DDX25: variants seen among roughly 807,000 people sequenced by gnomAD.
The protein encoded by DDX25 is DEAD-box helicase 25.
DDX25 carries 70 observed loss-of-function variants against 64.6 expected under a neutral mutation model. The observed-to-expected ratio is 1.08, with a 90% CI of 0.89 to 1.32. DDX25 has a LOEUF of 1.32. Ranked by LOEUF, DDX25 falls within the 40% of genes most tolerant of loss-of-function variation. The pLI is 0.00. For synonymous variants in DDX25, 211 were observed against 213.3 expected, an observed-to-expected ratio of 0.99 and a Z score of 0.09; for missense variants, 587 against 604.4, an observed-to-expected ratio of 0.97 and a Z score of 0.30.
At chr11:125,916,939 T>C (rs1211297821) in intron 8 of DDX25, 75 bp from the exon 9 acceptor site, 23 of 1,401,036 alleles carry the variant, frequency 1.6e-5, no homozygotes, top group Non-Finnish European at 2.3e-5. Flanking sequence ...CAGCGGCTGA[T>C]GGCAGTGGCA....
Position 125,924,121 on chromosome 11 carries a change from T to A in DDX25, c.*1240T>A, listed in dbSNP as rs369917879. 8 of 152,080 alleles carry A rather than the reference T, an allele frequency of 5.3e-5. No individual in the cohort carries two copies. Among genetic ancestry groups the A allele is most frequent in the African/African-American group, 1.7e-4 (7 of 41,376 alleles). 9.4% of individuals were successfully genotyped at this position (152,080 alleles called of 1,614,324 possible). On this transcript the variant is annotated 3_prime_UTR_variant, in exon 12 of 12. Coordinates refer to ENST00000263576, the MANE Select transcript of DDX25 (RefSeq NM_013264.5). ...CTCTACTAAAAATATAAAAATTAGCTGGGCGTGGTGGTACGCGTGCCTGTA... is the reference window on the plus strand; with the variant it reads ...CTCTACTAAAAATATAAAAATTAGCAGGGCGTGGTGGTACGCGTGCCTGTA...
intron 3 of DDX25, among the ~76,000 whole-genome samples, 190 bp from the exon 4 acceptor site, chr11:125,905,882 CAG>C (rs1944876944): frequency 6.6e-6 from 1 of 152,160 alleles, no homozygotes; most frequent in African/African-American, 2.4e-5. Flanking sequence ...GGTGAAGTAA[CAG>C]AGCGTAAGAA....
In DDX25 at chr11:125,921,562, A is replaced by T; in HGVS notation, c.1390+183A>T. ...AGACAGATGATTAAATAATGCTTAT[A>T]TGGTAATTAAAAATTATTTTGATCA... is the stretch of plus-strand genomic sequence containing the variant. On this transcript the variant is annotated intron_variant, in intron 11 of 11. Coordinates refer to ENST00000263576, the MANE Select transcript of DDX25 (RefSeq NM_013264.5). The surrounding 1 kb of genome is among the most constrained non-coding windows in gnomAD (Gnocchi z 4.1). 2 of 640,962 alleles carry T rather than the reference A, an allele frequency of 3.1e-6. No individual in the cohort carries two copies. The highest frequency in any genetic ancestry group is 5.4e-5 in the South Asian group (2 of 36,944). The allele number at this position is 640,962 out of a possible 1,614,324, so 39.7% of individuals were successfully genotyped here.
At chr11:125,913,716 T>A (rs1944996917) in intron 8 of DDX25, among the ~76,000 whole-genome samples, 1 of 152,092 alleles carries the variant, frequency 6.6e-6, no homozygotes, top group Admixed American at 6.6e-5. Context: ...CAGGTCTTTT[T>A]TCATTCATCA....
At chr11:125,904,302 T>C (rs188554661), upstream of DDX25, 42 of 103,508 alleles carry the variant, frequency 4.1e-4, no homozygotes, top group South Asian at 3.4e-3. Context: ...CTCTCTGCCC[T>C]CCGCCCCGCT....
intron 6 of DDX25, among the ~76,000 whole-genome samples, chr11:125,909,883 T>G (rs1944943850): frequency 6.6e-6 from 1 of 152,132 alleles, no homozygotes; most frequent in Admixed American, 6.5e-5. Context: ...AACTCCTGAC[T>G]TCAGGTGATC....
chr11:125,917,614 C>G (rs1003645323), intron 9 of DDX25, among the ~76,000 whole-genome samples: 3 of 152,118 alleles, frequency 2.0e-5, no homozygotes, highest in Non-Finnish European at 1.5e-5. Flanking sequence ...TTTTTGCTTT[C>G]TGACATTCTC....
chr11:125,910,891 A>G (rs1194009795), intron 7 of DDX25, among the ~76,000 whole-genome samples: 1 of 151,768 alleles, frequency 6.6e-6, no homozygotes, highest in African/African-American at 2.4e-5. Flanking sequence ...ATCACATAGT[A>G]AACAGGCAAG....
Position 125,921,420 on chromosome 11 carries a change from C to A in DDX25, c.1390+41C>A. ...CTCACAATATGAACTACAGACCTGC[C>A]GGTCTGACAGTGATGATGTGTGCTG... On this transcript the variant is annotated intron_variant, in intron 11 of 11. Coordinates refer to ENST00000263576, the MANE Select transcript of DDX25 (RefSeq NM_013264.5). This position sits in a 1 kb window ranked among gnomAD's most constrained non-coding sequence, Gnocchi z 4.1. The A allele has an allele frequency of 1.3e-6, 2 of 1,590,988 alleles. No homozygotes were observed. The highest frequency in any genetic ancestry group is 1.1e-5 in the South Asian group (1 of 87,948).
chr11:125,919,450 A>G (rs1295557641), intron 10 of DDX25, among the ~76,000 whole-genome samples: 2 of 151,990 alleles, frequency 1.3e-5, no homozygotes, highest in Admixed American at 1.3e-4. Context: ...GTATACTGGG[A>G]TCTCATTGTG....
chr11:125,911,164 A>G (rs1190062174), intron 7 of DDX25, 147 bp from the exon 8 acceptor site: 3 of 743,554 alleles, frequency 4.0e-6, no homozygotes, highest in Non-Finnish European at 3.8e-6. Context: ...TGCAGAATCA[A>G]AAACCACAAT....
intron 8 of DDX25, among the ~76,000 whole-genome samples, chr11:125,914,526 ATCT>A (rs1471856905): frequency 1.3e-5 from 2 of 152,060 alleles, no homozygotes; most frequent in East Asian, 1.9e-4. Context: ...TAAACATCTA[ATCT>A]TCTGCTTCCA....
At chr11:125,903,942 C>T (rs1440525188), upstream of DDX25, among the ~76,000 whole-genome samples, 1 of 152,234 alleles carries the variant, frequency 6.6e-6, no homozygotes, top group African/African-American at 2.4e-5. Context: ...CTATGTGGAA[C>T]ATCACAGGTA....
intron 8 of DDX25, among the ~76,000 whole-genome samples, chr11:125,915,345 T>C (rs1945023750): frequency 6.6e-6 from 1 of 152,234 alleles, no homozygotes; most frequent in Admixed American, 6.5e-5. Context: ...TTAATAAATA[T>C]ATGTTATTTA....
chr11:125,916,559 A>G (rs1945039725), intron 8 of DDX25, among the ~76,000 whole-genome samples: 1 of 152,064 alleles, frequency 6.6e-6, no homozygotes, highest in Non-Finnish European at 1.5e-5. Flanking sequence ...TTTAATTTGT[A>G]TCTAGTTCTT....
In DDX25 at chr11:125,927,990, T is replaced by C. The variant is rs1591524236; in HGVS notation, c.*5109T>C. The C allele has an allele frequency of 6.6e-6, 1 of 152,186 alleles. No homozygotes were observed. Among genetic ancestry groups the C allele is most frequent in the Non-Finnish European group, 1.5e-5 (1 of 68,026 alleles). 9.4% of individuals were successfully genotyped at this position (152,186 alleles called of 1,614,324 possible). ...ACAAAAGAAGATTGTTTTCCACAAA[T>C]GAAAATGGGGTGGTTAACTTCTAAT... On this transcript the variant is annotated 3_prime_UTR_variant, in exon 12 of 12. Transcript: ENST00000263576.
intron 4 of DDX25, among the ~76,000 whole-genome samples, chr11:125,907,481 G>A (rs532113183): frequency 2.4e-4 from 36 of 152,080 alleles, no homozygotes; most frequent in Admixed American, 9.2e-4. Flanking sequence ...GGTGGCGGGC[G>A]CCTGTAGTCC....
At position 125,924,136 on chromosome 11, in the gene DDX25, GC is replaced by G. The variant is rs1945147359; in HGVS notation, c.*1256del. ...AAAAATTAGCTGGGCGTGGTGGTAC[GC>G]GTGCCTGTAATCCCAGCTACTCAGG... On this transcript the variant is annotated 3_prime_UTR_variant, in exon 12 of 12. Transcript: ENST00000263576. The G allele has an allele frequency of 6.6e-6, 1 of 152,106 alleles. No individual in the cohort carries two copies. The highest frequency in any genetic ancestry group is 1.5e-5 in the Non-Finnish European group (1 of 68,036). 9.4% of individuals were successfully genotyped at this position (152,106 alleles called of 1,614,324 possible). A position where few individuals can be genotyped will look rare whatever the true frequency, so the allele number is the denominator to read the frequency against.
chr11:125,925,491 G>A lies in DDX25; in HGVS notation c.*2610G>A, dbSNP rs138544692. 2.2e-4 allele frequency: 100 copies of A among 456,096 alleles called. No individual in the cohort carries two copies. Among genetic ancestry groups the A allele is most frequent in the African/African-American group, 1.3e-3 (64 of 50,146 alleles). The allele number at this position is 456,096 out of a possible 1,614,324, so 28.3% of individuals were successfully genotyped here. On this transcript the variant is annotated 3_prime_UTR_variant, in exon 12 of 12. Transcript: ENST00000263576. ...TGTCAGAGCTGTAAGCAATTTTCCCGTCTTCCTGCATGGCCTGGCCAAGGT... is the reference window on the plus strand; with the variant it reads ...TGTCAGAGCTGTAAGCAATTTTCCCATCTTCCTGCATGGCCTGGCCAAGGT...
Sources: allele counts gnomAD v4.1 joint callset (sites outside exome capture counted in the v4.1 genomes callset), GRCh38; gene constraint gnomAD v4.1.1; non-coding constraint Gnocchi (gnomAD v3.1); transcripts MANE v1.5; gene names NCBI Gene and HGNC (gene_info 2026-07-23, HGNC 2026-07-21).